Variants in EPHA1 observed in about 807,000 individuals in gnomAD.
The protein encoded by EPHA1 is EPH receptor A1, also known as ephrin type-A receptor 1.
Under a neutral mutation model 110.1 loss-of-function variants are expected in EPHA1, and 92 were observed. That is an observed-to-expected ratio of 0.84 (90% CI 0.71 to 0.99). The LOEUF (loss-of-function observed/expected upper bound fraction) is 0.99. Ranked by LOEUF, EPHA1 falls within the 50% of genes least tolerant of loss-of-function variation. The pLI is 0.00. For synonymous variants in EPHA1, 500 were observed against 516.1 expected (o/e 0.97, Z 0.42); for missense variants, 1,204 against 1,285.4 (o/e 0.94, Z 0.97).
In EPHA1 at chr7:143,393,625, C is replaced by G; in HGVS notation, c.2696+46G>C. ...TTGGCTGAATGCCCATTTCCACTCT[C>G]CTAGCGCTGCCTCTGGGTTCCCTAG... On this transcript the variant is annotated intron_variant, in intron 16 of 17. Transcript: ENST00000275815. The surrounding 1 kb of genome is among the most constrained non-coding windows in gnomAD (Gnocchi z 5.6). The G allele has an allele frequency of 6.3e-7, 1 of 1,596,248 alleles. No individual in the cohort carries two copies. Among genetic ancestry groups the G allele is most frequent in the Non-Finnish European group, 8.5e-7 (1 of 1,170,636 alleles).
chr7:143,408,697 TGGGGGCGCGGGGGCG>T lies in EPHA1; in HGVS notation c.82+12_82+26del. 3.0e-6 allele frequency: 1 copy of T among 337,180 alleles called. No homozygotes were observed. Among genetic ancestry groups the T allele is most frequent in the Non-Finnish European group, 3.9e-6 (1 of 255,400 alleles). 20.9% of individuals were successfully genotyped at this position (337,180 alleles called of 1,614,324 possible). On this transcript the variant is annotated intron_variant, in intron 1 of 17. Transcript: ENST00000275815. ...CCGGGAAGGGGCGGGGCGCGGGGGT[TGGGGGCGCGGGGGCG>T]GGGGTCGGTACCTTCCTTGGCGCGC...
At chr7:143,404,562 C>G (rs1039136854) in intron 2 of EPHA1, among the ~76,000 whole-genome samples, 2 of 152,166 alleles carry the variant, frequency 1.3e-5, no homozygotes, top group African/African-American at 4.8e-5. Flanking sequence ...TTATGAATAT[C>G]TAACCGTCAG....
chr7:143,397,340 G>C lies in EPHA1; in HGVS notation c.1735C>G (p.Gln579Glu), dbSNP rs1317538155. 6.5e-7 allele frequency: 1 copy of C among 1,549,854 alleles called. No homozygotes were observed. Among genetic ancestry groups the C allele is most frequent in the South Asian group, 1.2e-5 (1 of 84,034 alleles). ...TCGGTGGCGCGGTCACGCTGCCTCT[G>C]CTGCCTCTGCCGCTGGGCTCTCCTG... ...RSRRAQRQRQQRQRDRATDVD... is the reference protein window; with the variant it reads ...RSRRAQRQRQERQRDRATDVD... Residue 579 changes from glutamine to glutamate, a missense_variant, in exon 10 of 18, where the codon CAG becomes GAG. By Grantham distance (29) the Gln-to-Glu change is conservative. Transcript: ENST00000275815.
chr7:143,391,303 G>A lies in EPHA1; in HGVS notation c.*154C>T, dbSNP rs1805069760. The A allele has an allele frequency of 1.2e-6, 1 of 838,266 alleles. No homozygotes were observed. Among genetic ancestry groups the A allele is most frequent in the African/African-American group, 1.7e-5 (1 of 58,248 alleles). 51.9% of individuals were successfully genotyped at this position (838,266 alleles called of 1,614,324 possible). Reference sequence around the variant, plus strand: ...CCTTTTAAAACAAAGAGGTTTTCTGGGGTGCAGAGCAGGGTTCTCCTGAAA... The same window carrying A: ...CCTTTTAAAACAAAGAGGTTTTCTGAGGTGCAGAGCAGGGTTCTCCTGAAA... On this transcript the variant is annotated 3_prime_UTR_variant, in exon 18 of 18. Coordinates refer to ENST00000275815, the MANE Select transcript of EPHA1 (RefSeq NM_005232.5).
chr7:143,399,255 C>CA lies in EPHA1; in HGVS notation c.991+2dup, dbSNP rs757073983. 6.8e-6 allele frequency: 11 copies of CA among 1,611,118 alleles called. 1 individual carries two copies. In the East Asian group the frequency reaches 2.2e-4, roughly 33 times the overall value. On this transcript the variant is annotated splice_region_variant and intron_variant, in intron 5 of 17. Coordinates refer to ENST00000275815, the MANE Select transcript of EPHA1 (RefSeq NM_005232.5). ...ATGGCCACGCCCCACCCCCTGGACT[C>CA]ACCTGTGCATGCCACCTGGGGGCCC...
At position 143,396,445 on chromosome 7, in the gene EPHA1, G is replaced by A. The variant is rs10952549; in HGVS notation, c.1837C>T (p.Leu613=). The A allele has an allele frequency of 0.81, 1,306,931 of 1,613,466 alleles. 531,134 individuals are homozygous for A. Among genetic ancestry groups the A allele is most frequent in the East Asian group, 1 (44,778 of 44,840 alleles). The part of the protein sequence containing the change: ...QAYEDPAQGA[L]DFTRELDPAW... ...GGATCAAGCTCCCGGGTAAAGTCCA[G>A]GGCTCCCTGTGCAGGGTCCTCGTAT... The change falls in exon 11 of 18, where the codon CTG becomes TTG. Residue 613 remains leucine, a synonymous_variant. Coordinates refer to ENST00000275815, the MANE Select transcript of EPHA1 (RefSeq NM_005232.5).
chr7:143,396,856 C>T (rs1045222940), intron 10 of EPHA1, among the ~76,000 whole-genome samples: 1 of 152,164 alleles, frequency 6.6e-6, no homozygotes, highest in Non-Finnish European at 1.5e-5. Flanking sequence ...GACAGAGCCG[C>T]GCATGGCTCC....
At position 143,408,794 on chromosome 7, in the gene EPHA1, G is replaced by A; in HGVS notation, c.12C>T (p.Arg4=). The A allele has an allele frequency of 8.4e-7, 1 of 1,197,410 alleles. No homozygotes were observed. The highest frequency in any genetic ancestry group is 1.0e-6 in the Non-Finnish European group (1 of 966,252). The allele number at this position is 1,197,410 out of a possible 1,614,324, so 74.2% of individuals were successfully genotyped here. MER[R]WPLGLGLVLL... is the part of the protein sequence containing the mutation. ...GCACCAGCCCTAGCCCCAGGGGCCA[G>A]CGCCGCTCCATAGCTCCGGGCCGGG... The change falls in exon 1 of 18, where the codon CGC becomes CGT. Residue 4 remains arginine (R), a synonymous_variant. Coordinates refer to ENST00000275815, the MANE Select transcript of EPHA1 (RefSeq NM_005232.5).
At chr7:143,403,196 C>T (rs1053703234) in intron 2 of EPHA1, among the ~76,000 whole-genome samples, 1 of 152,156 alleles carries the variant, frequency 6.6e-6, no homozygotes, top group Admixed American at 6.5e-5. Flanking sequence ...GCAAAACCTC[C>T]CATCTCTACT....
Position 143,397,295 on chromosome 7 carries a change from C to G in EPHA1, c.1771+9G>C. On this transcript the variant is annotated intron_variant, in intron 10 of 17. Transcript: ENST00000275815. ...CATGTGGGGACACACGCAGGTGCAC[C>G]CGACTCACCTCGATCCACATCGGTG... The G allele has an allele frequency of 1.5e-5, 23 of 1,547,854 alleles. No homozygotes were observed. Among genetic ancestry groups the G allele is most frequent in the Non-Finnish European group, 2.0e-5 (23 of 1,145,962 alleles).
Position 143,391,809 on chromosome 7 carries a change from A to G in EPHA1, c.2697-34T>C, listed in dbSNP as rs751873640. 3.7e-6 allele frequency: 6 copies of G among 1,608,742 alleles called. No individual in the cohort carries two copies. In the East Asian group the frequency reaches 6.7e-5, roughly 18 times the overall value. Reference sequence around the variant, plus strand: ...CATGGGCATGTCAGTCACAGCGGGTACATGGGCTGATCTGGTTGGCCTTGG... The same window carrying G: ...CATGGGCATGTCAGTCACAGCGGGTGCATGGGCTGATCTGGTTGGCCTTGG... On this transcript the variant is annotated intron_variant, in intron 16 of 17. Transcript: ENST00000275815.
rs1412127321 is a variant in EPHA1 at position 143,393,699 on chromosome 7, G to A, written c.2668C>T (p.Leu890=). 1 of 1,613,878 alleles carries A rather than the reference G, an allele frequency of 6.2e-7. No homozygotes were observed. The highest frequency in any genetic ancestry group is 1.7e-5 in the Admixed American group (1 of 59,978). The part of the protein sequence containing the change: ...LEQLLANPHS[L]RTIANFDPRM... ...GGGTCAAAGTTGGCAATGGTCCGCA[G>A]GGAGTGGGGGTTGGCAAGCAGTTGC... The change falls in exon 16 of 18, where the codon CTG becomes TTG. Residue 890 remains leucine (L), a synonymous_variant. Transcript: ENST00000275815. The surrounding 1 kb of genome is among the most constrained non-coding windows in gnomAD (Gnocchi z 5.6).
chr7:143,391,838 C>T (rs1805096561), intron 16 of EPHA1, 63 bp from the exon 17 acceptor site: 1 of 1,585,882 alleles, frequency 6.3e-7, no homozygotes, highest in Non-Finnish European at 8.6e-7. Flanking sequence ...GCCTTGGCCT[C>T]TGAGCATCAG....
Position 143,408,790 on chromosome 7 carries a change from G to T in EPHA1, c.16C>A (p.Pro6Thr). The change falls in exon 1 of 18, where the codon CCC becomes ACC. Residue 6 changes from proline (P) to threonine (T), a missense_variant. Physicochemically the swap from Pro to Thr is conservative, Grantham distance 38. Transcript: ENST00000275815. MERRW[P>T]LGLGLVLLLC... is the part of the protein sequence containing the mutation. ...AGCAGCACCAGCCCTAGCCCCAGGG[G>T]CCAGCGCCGCTCCATAGCTCCGGGC... The T allele has an allele frequency of 8.3e-7, 1 of 1,205,300 alleles. No individual in the cohort carries two copies. Among genetic ancestry groups the T allele is most frequent in the African/African-American group, 1.6e-5 (1 of 63,198 alleles). The allele number at this position is 1,205,300 out of a possible 1,614,324, so 74.7% of individuals were successfully genotyped here.
chr7:143,396,310 A>C, intron 11 of EPHA1, 75 bp downstream of exon 11: 1 of 1,546,078 alleles, frequency 6.5e-7, no homozygotes, highest in Non-Finnish European at 8.7e-7. Context: ...GAAGCGCTGG[A>C]AGGAAGGGGC....
In EPHA1 at chr7:143,401,129, G is replaced by A; in HGVS notation, c.432+195C>T. ...GCTGGTCTCAAGCTCCTGGCCTCAA[G>A]TGATCTTCCCACATCGGTTTCCCAA... On this transcript the variant is annotated intron_variant, in intron 3 of 17. Transcript: ENST00000275815. This position sits in a 1 kb window ranked among gnomAD's most constrained non-coding sequence, Gnocchi z 4.1. The A allele has an allele frequency of 1.4e-6, 1 of 695,436 alleles. No individual in the cohort carries two copies. Among genetic ancestry groups the A allele is most frequent in the South Asian group, 1.9e-5 (1 of 51,506 alleles). The allele number at this position is 695,436 out of a possible 1,614,324, so 43.1% of individuals were successfully genotyped here.
intron 10 of EPHA1, chr7:143,396,814 C>T (rs1409217199): frequency 8.0e-6 from 3 of 373,298 alleles, no homozygotes; most frequent in Non-Finnish European, 1.5e-5. Context: ...CCCCACACTG[C>T]TCTGGTCAGT....
intron 14 of EPHA1, 121 bp downstream of exon 14, chr7:143,394,687 T>C (rs1403273478): frequency 1.7e-6 from 2 of 1,207,494 alleles, no homozygotes; most frequent in Non-Finnish European, 2.3e-6. Context: ...CCCAAAGTGC[T>C]GGGATTACAG....
chr7:143,401,543 C>A lies in EPHA1; in HGVS notation c.213G>T (p.Met71Ile), dbSNP rs118129834. ...AGTGGTCAGTGTCTCTGCGTCCTTG[C>A]ATTGGGCAGTCCTGGTACATGTACA... is the stretch of plus-strand genomic sequence containing the variant. Reference protein sequence around the residue: ...TPLYMYQDCPMQGRRDTDHWL... With the variant: ...TPLYMYQDCPIQGRRDTDHWL... The change falls in exon 3 of 18, where the codon ATG becomes ATT. Residue 71 changes from methionine (M) to isoleucine (I), a missense_variant. Transcript: ENST00000275815. This position sits in a 1 kb window ranked among gnomAD's most constrained non-coding sequence, Gnocchi z 4.1. 436 of 1,614,152 alleles carry A rather than the reference C, an allele frequency of 2.7e-4. No individual in the cohort carries two copies. Among genetic ancestry groups the A allele is most frequent in the Non-Finnish European group, 3.4e-4 (400 of 1,180,038 alleles).
Sources: gnomAD v4.1 joint callset for allele counts (sites outside exome capture counted in the v4.1 genomes callset) on GRCh38, gnomAD v4.1.1 for gene constraint, Gnocchi (gnomAD v3.1) non-coding constraint, MANE v1.5 for transcripts, NCBI Gene and HGNC (gene_info 2026-07-23, HGNC 2026-07-21) for gene names.